DDHD1: variants seen among roughly 807,000 people sequenced by gnomAD.
DDHD1 encodes phospholipase DDHD1.
A neutral mutation model predicts 96.4 loss-of-function variants in DDHD1; 49 were observed. That is an observed-to-expected ratio of 0.51 (90% CI 0.40 to 0.64). The LOEUF is 0.64. Ranked by LOEUF, DDHD1 falls within the 30% of genes least tolerant of loss-of-function variation. The pLI is 0.00. For missense variants in DDHD1, 1,106 were observed against 1,161.2 expected (o/e 0.95, Z 0.69); for synonymous variants, 442 against 446.5 (o/e 0.99, Z 0.13).
chr14:53,067,252 G>A (rs955013517), intron 6 of DDHD1, among the ~76,000 whole-genome samples: 4 of 151,448 alleles, frequency 2.6e-5, no homozygotes, highest in African/African-American at 9.7e-5. Flanking sequence ...TCCGTCTCCT[G>A]GGTTCAAGAG....
intron 1 of DDHD1, among the ~76,000 whole-genome samples, chr14:53,126,846 A>C (rs1889478809): frequency 6.6e-6 from 1 of 152,230 alleles, no homozygotes; most frequent in Non-Finnish European, 1.5e-5. Context: ...CACGTTACAA[A>C]AGAGAAGCAC....
Position 53,130,583 on chromosome 14 carries a change from C to T in DDHD1, c.838+21678G>A, listed in dbSNP as rs563820366. Among the ~76,000 whole-genome samples the T allele has an allele frequency of 2.0e-4, 31 of 152,316 alleles. No individual in the cohort carries two copies. The South Asian group carries it at 5.6e-3, about 28-fold the overall frequency. On this transcript the variant is annotated intron_variant, in intron 1 of 12. Transcript: ENST00000673822. Reference sequence around the variant, plus strand: ...CCTCCGCTGTGAGACAAACCCCAGCCACATCTCCAGCACACAAGAACTTCA... The same window carrying T: ...CCTCCGCTGTGAGACAAACCCCAGCTACATCTCCAGCACACAAGAACTTCA...
At chr14:53,116,839 C>A (rs970742021) in intron 1 of DDHD1, among the ~76,000 whole-genome samples, 1 of 152,086 alleles carries the variant, frequency 6.6e-6, no homozygotes, top group Non-Finnish European at 1.5e-5. Flanking sequence ...CAAACAAATT[C>A]AAAAGCTGGC....
intron 4 of DDHD1, among the ~76,000 whole-genome samples, chr14:53,089,304 G>GA (rs1886239531): frequency 6.6e-6 from 1 of 151,884 alleles, no homozygotes; most frequent in African/African-American, 2.4e-5. Context: ...CACAGAATTG[G>GA]AAAAAACTAC....
chr14:53,079,255 T>C (rs1392811816), intron 4 of DDHD1, among the ~76,000 whole-genome samples: 2 of 152,150 alleles, frequency 1.3e-5, no homozygotes, highest in African/African-American at 4.8e-5. Flanking sequence ...TTCCATTTTT[T>C]AGAGAGTTTG....
intron 2 of DDHD1, among the ~76,000 whole-genome samples, chr14:53,101,875 C>T (rs920911912): frequency 1.3e-5 from 2 of 151,592 alleles, no homozygotes; most frequent in African/African-American, 4.8e-5. Context: ...AGAGAAGAAA[C>T]AGAGCTGATT....
intron 1 of DDHD1, among the ~76,000 whole-genome samples, chr14:53,132,061 C>A (rs1889903952): frequency 6.6e-6 from 1 of 152,144 alleles, no homozygotes; most frequent in Non-Finnish European, 1.5e-5. Context: ...TATATAAATT[C>A]ACAAAGGAAA....
intron 1 of DDHD1, among the ~76,000 whole-genome samples, chr14:53,131,442 A>G (rs1469467731): frequency 6.6e-6 from 1 of 152,160 alleles, no homozygotes; most frequent in Non-Finnish European, 1.5e-5. Flanking sequence ...CGCCTTATTA[A>G]TCAAATCATC....
intron 4 of DDHD1, among the ~76,000 whole-genome samples, chr14:53,086,097 G>A (rs1296076634): frequency 3.3e-5 from 5 of 152,138 alleles, no homozygotes; most frequent in African/African-American, 1.2e-4. Context: ...GAGAAGTTAA[G>A]AGAAAAAAGA....
intron 4 of DDHD1, among the ~76,000 whole-genome samples, chr14:53,081,156 T>C (rs1736817695): frequency 6.6e-6 from 1 of 152,150 alleles, no homozygotes; most frequent in African/African-American, 2.4e-5. Context: ...TCACTGAAAA[T>C]AAAATGACAG....
At chr14:53,065,778 G>A (rs1486448858) in intron 6 of DDHD1, among the ~76,000 whole-genome samples, 1 of 152,168 alleles carries the variant, frequency 6.6e-6, no homozygotes, top group Non-Finnish European at 1.5e-5. Context: ...CTCTACCTTA[G>A]TGCATATCTC....
intron 1 of DDHD1, among the ~76,000 whole-genome samples, chr14:53,145,333 T>C (rs898090670): frequency 6.6e-6 from 1 of 151,800 alleles, no homozygotes; most frequent in Non-Finnish European, 1.5e-5. Context: ...ACCATGTCTC[T>C]ACAAGTAATA....
intron 1 of DDHD1, 78 bp downstream of exon 1, chr14:53,152,183 C>G (rs1003190411): frequency 1.4e-6 from 2 of 1,403,368 alleles, no homozygotes; most frequent in African/African-American, 2.9e-5. Context: ...TCGCGGCGAC[C>G]AGTCCCAAAC....
rs1407412868 is a variant in DDHD1 at position 53,061,273 on chromosome 14, A to G, written c.1767-72T>C. On this transcript the variant is annotated intron_variant, in intron 7 of 12. Coordinates refer to ENST00000673822, the MANE Select transcript of DDHD1 (RefSeq NM_001160148.2). ...ATAAATATTAGATGCTTGCTAGCTT[A>G]CTAAAGTATAAAGACGCAGATGATG... 1.7e-5 allele frequency: 24 copies of G among 1,372,248 alleles called. No homozygotes were observed. The Admixed American group carries it at 5.9e-4, about 34-fold the overall frequency. 85.0% of individuals were successfully genotyped at this position (1,372,248 alleles called of 1,614,324 possible). A position where few individuals can be genotyped will look rare whatever the true frequency, so the allele number is the denominator to read the frequency against.
At chr14:53,134,510 C>G (rs1400364045) in intron 1 of DDHD1, among the ~76,000 whole-genome samples, 6 of 151,700 alleles carry the variant, frequency 4.0e-5, no homozygotes, top group Non-Finnish European at 8.8e-5. Flanking sequence ...CTCTCCTAGC[C>G]ATTTCTAATC....
chr14:53,059,795 C>T (rs1380232209), intron 8 of DDHD1, among the ~76,000 whole-genome samples: 37 of 128,410 alleles, frequency 2.9e-4, no homozygotes, highest in African/African-American at 8.3e-4. Context: ...ATCGGAGGGG[C>T]GGAGGTTGCA....
chr14:53,109,427 T>G (rs148373511), intron 1 of DDHD1, among the ~76,000 whole-genome samples: 4 of 150,764 alleles, frequency 2.7e-5, no homozygotes, highest in African/African-American at 9.7e-5. Context: ...CTCTTAAGCC[T>G]TTCCTTACCC....
chr14:53,046,459 G>T lies in DDHD1; in HGVS notation c.*309C>A. 5.3e-6 allele frequency: 1 copy of T among 189,808 alleles called. No individual in the cohort carries two copies. The highest frequency in any genetic ancestry group is 1.3e-4 in the East Asian group (1 of 7,918). The allele number at this position is 189,808 out of a possible 1,614,324, so 11.8% of individuals were successfully genotyped here. ...TATGTTCCATATGCCTTTATATTTG[G>T]GAGGAATCAGATTGTGATTTGTAGC... On this transcript the variant is annotated 3_prime_UTR_variant, in exon 13 of 13. Transcript: ENST00000673822.
At chr14:53,101,975 A>C (rs1202459580) in intron 2 of DDHD1, among the ~76,000 whole-genome samples, 1 of 151,980 alleles carries the variant, frequency 6.6e-6, no homozygotes, top group African/African-American at 2.4e-5. Context: ...TGTATTTTTC[A>C]TACTCATCCT....
Sources: gnomAD v4.1 joint callset for allele counts (sites outside exome capture counted in the v4.1 genomes callset) on GRCh38, gnomAD v4.1.1 for gene constraint, MANE v1.5 for transcripts, NCBI Gene and HGNC (gene_info 2026-07-23, HGNC 2026-07-21) for gene names.